The following ASIC2 variants were observed in gnomAD, a reference collection of about 807,000 sequenced individuals.
ASIC2 encodes the protein acid sensing ion channel subunit 2.
In ASIC2, 25 loss-of-function variants were observed where a neutral mutation model predicts 57.3. The ratio of observed to expected loss-of-function variants is 0.44; its 90% CI spans 0.32 to 0.61. The LOEUF (loss-of-function observed/expected upper bound fraction) is 0.61, where lower values mean the gene tolerates loss of function less well. Ranked by LOEUF, ASIC2 falls within the 20% of genes least tolerant of loss-of-function variation. The pLI, the probability that ASIC2 is intolerant of heterozygous loss-of-function variation, is 0.06. For synonymous variants in ASIC2, 319 were observed against 307.5 expected, an observed-to-expected ratio of 1.04 and a Z score of -0.39; for missense variants, 641 against 738.1, an observed-to-expected ratio of 0.87 and a Z score of 1.52.
At chr17:34,051,238 A>T (rs1908543799) in intron 1 of ASIC2, among the ~76,000 whole-genome samples, 1 of 152,104 alleles carries the variant, frequency 6.6e-6, no homozygotes, top group Non-Finnish European at 1.5e-5. Context: ...ACTCCTCTTT[A>T]ATCCTCTTAG....
chr17:33,682,030 C>A (rs1173404367), intron 1 of ASIC2, among the ~76,000 whole-genome samples: 2 of 151,428 alleles, frequency 1.3e-5, no homozygotes, highest in African/African-American at 4.9e-5. Flanking sequence ...AGTCAGGGGC[C>A]AGTTCCACAC....
At chr17:33,597,558 A>G (rs1287343006) in intron 1 of ASIC2, among the ~76,000 whole-genome samples, 1 of 152,214 alleles carries the variant, frequency 6.6e-6, no homozygotes. Flanking sequence ...TAAGGAGTTT[A>G]AATGAGTTTA....
intron 1 of ASIC2, among the ~76,000 whole-genome samples, chr17:33,987,425 T>G (rs1212235246): frequency 2.6e-5 from 4 of 152,174 alleles, no homozygotes; most frequent in Admixed American, 6.5e-5. Flanking sequence ...CTAGCAACAC[T>G]TTCCCACACA....
intron 1 of ASIC2, chr17:33,834,373 A>T (rs2141902990): frequency 6.6e-6 from 1 of 152,336 alleles, no homozygotes; most frequent in South Asian, 2.1e-4. Flanking sequence ...CCTTTTTTAG[A>T]TGAGTCTTCT....
chr17:33,182,278 C>T (rs964948009), intron 1 of ASIC2, among the ~76,000 whole-genome samples: 1 of 152,018 alleles, frequency 6.6e-6, no homozygotes, highest in Non-Finnish European at 1.5e-5. Context: ...GAATCAGGGA[C>T]GATGTCAAAA....
intron 1 of ASIC2, among the ~76,000 whole-genome samples, chr17:33,994,697 A>AAGGTCC (rs1287000421): frequency 6.6e-6 from 1 of 152,122 alleles, no homozygotes; most frequent in Non-Finnish European, 1.5e-5. Context: ...GCTGACCCTC[A>AAGGTCC]AGGTCCAGTG....
intron 1 of ASIC2, among the ~76,000 whole-genome samples, chr17:33,235,381 AGAG>A (rs1215595204): frequency 1.3e-5 from 2 of 152,208 alleles, no homozygotes. Flanking sequence ...AGACCAGGCC[AGAG>A]GAGAGCTGAG....
At chr17:33,625,221 ATCTG>A (rs1373763121) in intron 1 of ASIC2, among the ~76,000 whole-genome samples, 36 of 150,564 alleles carry the variant, frequency 2.4e-4, no homozygotes, top group South Asian at 1.5e-3. Context: ...CTATCTATCT[ATCTG>A]TCTATCTATC....
intron 1 of ASIC2, among the ~76,000 whole-genome samples, chr17:33,856,720 G>T (rs1324153939): frequency 6.6e-6 from 1 of 152,150 alleles, no homozygotes; most frequent in African/African-American, 2.4e-5. Flanking sequence ...GTTGAACAAG[G>T]AGGCTAGAGC....
chr17:33,725,826 T>TG (rs976733457), intron 1 of ASIC2, among the ~76,000 whole-genome samples: 2 of 151,110 alleles, frequency 1.3e-5, no homozygotes, highest in Non-Finnish European at 3.0e-5. Flanking sequence ...GTGGGTCTCT[T>TG]GTGGCTCACA....
At chr17:33,064,050 T>C (rs147072583) in intron 3 of ASIC2, among the ~76,000 whole-genome samples, 21 of 152,346 alleles carry the variant, frequency 1.4e-4, no homozygotes, top group Non-Finnish European at 2.6e-4. Context: ...TTATTCTAGT[T>C]AGCCAGTTGT....
At chr17:34,146,740 G>A (rs1912428650) in intron 1 of ASIC2, 1 of 152,230 alleles carries the variant, frequency 6.6e-6, no homozygotes, top group Non-Finnish European at 1.5e-5. Context: ...TGATTAAGCT[G>A]TTATGTGCTC....
At chr17:33,662,803 G>C (rs1394265927) in intron 1 of ASIC2, among the ~76,000 whole-genome samples, 1 of 129,076 alleles carries the variant, frequency 7.7e-6, no homozygotes, top group South Asian at 2.7e-4. Context: ...CAGAATTTAA[G>C]GGTAATTACA....
chr17:33,693,797 G>A (rs543188236), intron 1 of ASIC2, among the ~76,000 whole-genome samples: 12 of 152,312 alleles, frequency 7.9e-5, no homozygotes, highest in African/African-American at 2.9e-4. Flanking sequence ...TTCTCTCTAG[G>A]TGAAAGGGCT....
intron 1 of ASIC2, among the ~76,000 whole-genome samples, chr17:33,609,330 A>C (rs1053848107): frequency 6.6e-6 from 1 of 151,406 alleles, no homozygotes; most frequent in Admixed American, 6.6e-5. Context: ...CTCCCGCTCC[A>C]CTCCTGCAGC....
At chr17:33,570,050 CT>C (rs1916381040) in intron 1 of ASIC2, among the ~76,000 whole-genome samples, 1 of 152,138 alleles carries the variant, frequency 6.6e-6, no homozygotes, top group Non-Finnish European at 1.5e-5. Flanking sequence ...CAGTCCAACT[CT>C]TCATTCACTT....
chr17:33,157,538 G>T (rs1303698525), intron 1 of ASIC2, among the ~76,000 whole-genome samples: 1 of 152,098 alleles, frequency 6.6e-6, no homozygotes, highest in African/African-American at 2.4e-5. Context: ...CATCCTTATA[G>T]TTTCTTGGGT....
intron 1 of ASIC2, among the ~76,000 whole-genome samples, chr17:34,128,562 A>G (rs1206088507): frequency 6.6e-6 from 1 of 151,784 alleles, no homozygotes; most frequent in Non-Finnish European, 1.5e-5. Context: ...CAGTTTCCTC[A>G]TCCTTTCAGT....
intron 1 of ASIC2, among the ~76,000 whole-genome samples, chr17:33,893,980 C>T (rs993920375): frequency 6.6e-6 from 1 of 152,210 alleles, no homozygotes; most frequent in Non-Finnish European, 1.5e-5. Context: ...TTTTCAGCTA[C>T]TTGCCCCTTG....
Sources: gnomAD v4.1 joint callset for allele counts (sites outside exome capture counted in the v4.1 genomes callset) on GRCh38, gnomAD v4.1.1 for gene constraint, MANE v1.5 for transcripts, NCBI Gene and HGNC (gene_info 2026-07-23, HGNC 2026-07-21) for gene names.